The following RABGAP1 variants were observed in gnomAD, a reference collection of about 807,000 sequenced individuals.
The protein encoded by RABGAP1 is RAB GTPase activating protein 1.
Under a neutral mutation model 137.6 loss-of-function variants are expected in RABGAP1, and 23 were observed. The ratio of observed to expected loss-of-function variants is 0.17; its 90% CI spans 0.12 to 0.24. The LOEUF is 0.24. RABGAP1 is among the 10% of genes least tolerant of loss of function. The pLI is 1.00. For missense variants in RABGAP1, 906 were observed against 1,275.8 expected (o/e 0.71, Z 4.42); for synonymous variants, 451 against 450.7 (o/e 1.00, Z -0.01).
chr9:123,099,585 C>T lies in RABGAP1; in HGVS notation c.2889+36C>T, dbSNP rs201922054. 62 of 1,534,942 alleles carry T rather than the reference C, an allele frequency of 4.0e-5. No individual in the cohort carries two copies. In the Admixed American group the frequency reaches 1.0e-3, roughly 26 times the overall value. On this transcript the variant is annotated intron_variant, in intron 24 of 25. Transcript: ENST00000373647. ...TCTTTACCTAAAAGATTTTATACCA[C>T]CTACTTCATTTTATGGCTGTATAAA... is the stretch of plus-strand genomic sequence containing the variant.
intron 7 of RABGAP1, 192 bp downstream of exon 7, chr9:122,996,343 C>A: frequency 8.4e-7 from 1 of 1,187,874 alleles, no homozygotes; most frequent in Non-Finnish European, 1.1e-6. Context: ...ACGCTCTCTT[C>A]AACTATGTGG....
At chr9:123,013,493 G>A (rs985950498) in intron 11 of RABGAP1, among the ~76,000 whole-genome samples, 3 of 152,198 alleles carry the variant, frequency 2.0e-5, no homozygotes, top group African/African-American at 7.2e-5. Flanking sequence ...ACCACACCTA[G>A]CTAATTTTTG....
At chr9:123,043,659 G>T (rs912027397) in intron 13 of RABGAP1, among the ~76,000 whole-genome samples, 1 of 151,662 alleles carries the variant, frequency 6.6e-6, no homozygotes, top group Non-Finnish European at 1.5e-5. Flanking sequence ...GAGGGTGGGT[G>T]TAACAGAGCT....
chr9:123,088,798 A>T (rs2034948969), intron 19 of RABGAP1, among the ~76,000 whole-genome samples: 1 of 152,210 alleles, frequency 6.6e-6, no homozygotes, highest in East Asian at 1.9e-4. Flanking sequence ...GTTACCTAGA[A>T]GGAAAGCCAA....
At chr9:122,953,425 CAG>C (rs1834355641) in intron 1 of RABGAP1, among the ~76,000 whole-genome samples, 1 of 148,000 alleles carries the variant, frequency 6.8e-6, no homozygotes, top group Admixed American at 6.8e-5. Context: ...TTTTTTGAGA[CAG>C]AGTCTTGCTC....
At chr9:122,978,930 G>T (rs987610049) in intron 2 of RABGAP1, among the ~76,000 whole-genome samples, 91 of 151,772 alleles carry the variant, frequency 6.0e-4, no homozygotes, top group Non-Finnish European at 4.9e-4. Flanking sequence ...TTTAAACAGG[G>T]TCTTGCTGTG....
chr9:122,955,989 C>A (rs1018085451), intron 1 of RABGAP1, among the ~76,000 whole-genome samples: 3 of 152,138 alleles, frequency 2.0e-5, no homozygotes, highest in African/African-American at 7.2e-5. Context: ...ACAAAGTTTG[C>A]AGAACTAGGT....
rs527581397 is a variant in RABGAP1, at chr9:123,046,249, A to G, written c.1795-19099A>G. ...TAATAAGTCATTGGGGTTTACGGTAAGAATTTTAAATACTTCAGGAGGTGG... is the reference window on the plus strand; with the variant it reads ...TAATAAGTCATTGGGGTTTACGGTAGGAATTTTAAATACTTCAGGAGGTGG... On this transcript the variant is annotated intron_variant, in intron 13 of 25. Transcript: ENST00000373647. Among the ~76,000 whole-genome samples, 3 of 152,374 alleles carry G rather than the reference A, an allele frequency of 2.0e-5. No homozygotes were observed. The East Asian group carries it at 5.8e-4, about 29-fold the overall frequency.
chr9:123,056,971 G>A (rs1426136423), intron 13 of RABGAP1, among the ~76,000 whole-genome samples: 7 of 152,148 alleles, frequency 4.6e-5, no homozygotes, highest in Admixed American at 3.9e-4. Context: ...ATCATGGCCC[G>A]TTCTCAATGA....
intron 13 of RABGAP1, among the ~76,000 whole-genome samples, chr9:123,030,930 A>G (rs976764578): frequency 6.2e-4 from 95 of 152,196 alleles, no homozygotes; most frequent in African/African-American, 2.2e-3. Flanking sequence ...TGATTGATTC[A>G]GTTAAATGTG....
intron 4 of RABGAP1, among the ~76,000 whole-genome samples, chr9:122,988,722 C>T (rs1365520159): frequency 1.3e-5 from 2 of 151,672 alleles, no homozygotes; most frequent in African/African-American, 4.8e-5. Context: ...CCTAGGTGGG[C>T]GGATCACCTG....
Position 123,013,913 on chromosome 9 carries a change from C to A in RABGAP1, c.1550-1630C>A, listed in dbSNP as rs73664160. Among the ~76,000 whole-genome samples the A allele has an allele frequency of 1.9e-3, 294 of 152,234 alleles. 2 individuals carry two copies. Among genetic ancestry groups the A allele is most frequent in the African/African-American group, 6.6e-3 (274 of 41,540 alleles). On this transcript the variant is annotated intron_variant, in intron 11 of 25. Transcript: ENST00000373647. ...GCTAAAAAATAAAAACAAACAAAAT[C>A]TAGAAAGAGCATTGGTAAAGATCCA...
At chr9:123,024,529 TC>T (rs2031841485) in intron 13 of RABGAP1, among the ~76,000 whole-genome samples, 1 of 151,132 alleles carries the variant, frequency 6.6e-6, no homozygotes, top group Admixed American at 6.6e-5. Flanking sequence ...AACCTCCGCC[TC>T]CCGGGTTCAA....
chr9:123,087,655 G>A (rs1216528956), intron 19 of RABGAP1, among the ~76,000 whole-genome samples: 1 of 152,210 alleles, frequency 6.6e-6, no homozygotes, highest in Non-Finnish European at 1.5e-5. Flanking sequence ...TGTTGAGTGA[G>A]CATCTTTCTG....
intron 2 of RABGAP1, among the ~76,000 whole-genome samples, chr9:122,970,950 G>T (rs143056731): frequency 6.6e-6 from 1 of 152,272 alleles, no homozygotes; most frequent in African/African-American, 2.4e-5. Context: ...AACAAAGAGG[G>T]TACTGAAAGC....
intron 5 of RABGAP1, 82 bp downstream of exon 5, chr9:122,989,553 T>G: frequency 2.1e-6 from 3 of 1,408,044 alleles, no homozygotes; most frequent in Non-Finnish European, 3.0e-6. Context: ...GTATTTATTA[T>G]GATCACTCAT....
chr9:123,070,282 T>C lies in RABGAP1; in HGVS notation c.1909-68T>C. On this transcript the variant is annotated intron_variant, in intron 14 of 25. Coordinates refer to ENST00000373647, the MANE Select transcript of RABGAP1 (RefSeq NM_012197.4). The surrounding 1 kb of genome is among the most constrained non-coding windows in gnomAD (Gnocchi z 4.4). Reference sequence around the variant, plus strand: ...CTCCAGGGTTCTGTATTCAAGGTCCTATAGTGCCACCATGGCCCACAAGTG... The same window carrying C: ...CTCCAGGGTTCTGTATTCAAGGTCCCATAGTGCCACCATGGCCCACAAGTG... The C allele has an allele frequency of 6.2e-7, 1 of 1,606,392 alleles. No homozygotes were observed. The highest frequency in any genetic ancestry group is 1.3e-5 in the African/African-American group (1 of 74,912).
rs573755632 is a variant in RABGAP1, at chr9:122,967,822, G to T, written c.150+10613G>T. Reference sequence around the variant, plus strand: ...CAGTGGCATGATCTCCATCTTCCGGGTTCAAGTGATTCTCCTGCCTCAGCC... The same window carrying T: ...CAGTGGCATGATCTCCATCTTCCGGTTTCAAGTGATTCTCCTGCCTCAGCC... On this transcript the variant is annotated intron_variant, in intron 2 of 25. Transcript: ENST00000373647. Among the ~76,000 whole-genome samples the T allele has an allele frequency of 2.6e-5, 4 of 151,490 alleles. No homozygotes were observed. In the South Asian group the frequency reaches 6.3e-4, roughly 24 times the overall value.
intron 20 of RABGAP1, 53 bp downstream of exon 20, chr9:123,089,903 T>A: frequency 6.9e-7 from 1 of 1,455,202 alleles, no homozygotes; most frequent in Non-Finnish European, 9.6e-7. Flanking sequence ...TCATTTCATA[T>A]GATTGCGCCT....
Sources: allele counts gnomAD v4.1 joint callset (sites outside exome capture counted in the v4.1 genomes callset), GRCh38; gene constraint gnomAD v4.1.1; non-coding constraint Gnocchi (gnomAD v3.1); transcripts MANE v1.5; gene names NCBI Gene and HGNC (gene_info 2026-07-23, HGNC 2026-07-21).